BABAM2: variants seen among roughly 807,000 people sequenced by gnomAD.
BABAM2 encodes the protein BRISC and BRCA1-A complex member 2.
BABAM2 carries 31 observed loss-of-function variants against 54.7 expected under a neutral mutation model. The observed-to-expected ratio is 0.57, with a 90% CI of 0.43 to 0.77. BABAM2 has a LOEUF of 0.77. Ranked by LOEUF, BABAM2 falls within the 30% of genes least tolerant of loss-of-function variation. BABAM2 has a pLI of 0.00. For synonymous variants in BABAM2, 167 were observed against 162.9 expected (o/e 1.03, Z -0.19); for missense variants, 364 against 455.8 (o/e 0.80, Z 1.83).
intron 2 of BABAM2, among the ~76,000 whole-genome samples, chr2:27,903,535 G>C (rs1374488094): frequency 2.0e-5 from 3 of 152,172 alleles, no homozygotes; most frequent in Non-Finnish European, 4.4e-5. Context: ...CTGAGGAACT[G>C]AGATTTAAGT....
intron 7 of BABAM2, among the ~76,000 whole-genome samples, chr2:28,187,911 G>A (rs1347813679): frequency 6.6e-6 from 1 of 151,998 alleles, no homozygotes; most frequent in African/African-American, 2.4e-5. Context: ...CAGGCGATCT[G>A]CCCACCTCGG....
intron 10 of BABAM2, among the ~76,000 whole-genome samples, chr2:28,265,351 C>T (rs1207563436): frequency 2.0e-5 from 3 of 152,134 alleles, no homozygotes; most frequent in Non-Finnish European, 2.9e-5. Flanking sequence ...CACTTGAACA[C>T]GGGAGGTGGA....
intron 5 of BABAM2, among the ~76,000 whole-genome samples, chr2:28,040,174 A>G (rs1676957621): frequency 6.6e-6 from 1 of 152,056 alleles, no homozygotes; most frequent in Admixed American, 6.5e-5. Flanking sequence ...CTCTTCATTT[A>G]CAGTTTATAA....
At chr2:28,188,775 C>T (rs1205687502) in intron 7 of BABAM2, among the ~76,000 whole-genome samples, 3 of 152,186 alleles carry the variant, frequency 2.0e-5, no homozygotes, top group Non-Finnish European at 4.4e-5. Flanking sequence ...GCCCCTTAGT[C>T]CCTAAGCTAC....
chr2:28,120,444 A>G (rs1029821711), intron 6 of BABAM2, among the ~76,000 whole-genome samples: 4 of 152,202 alleles, frequency 2.6e-5, no homozygotes, highest in Admixed American at 6.5e-5. Context: ...CCTAGAGGAT[A>G]TAGTATCATG....
intron 7 of BABAM2, among the ~76,000 whole-genome samples, chr2:28,150,043 C>T (rs974743898): frequency 6.6e-6 from 1 of 152,132 alleles, no homozygotes; most frequent in African/African-American, 2.4e-5. Flanking sequence ...CGAATCTTAA[C>T]CATAACAGCA....
chr2:28,258,960 A>G (rs562381368), intron 10 of BABAM2, among the ~76,000 whole-genome samples: 119 of 146,610 alleles, frequency 8.1e-4, no homozygotes, highest in Non-Finnish European at 1.5e-3. Flanking sequence ...TATTTTTGGT[A>G]GAGACAGGGT....
chr2:28,273,508 C>T (rs1173528353), intron 10 of BABAM2, among the ~76,000 whole-genome samples: 1 of 152,176 alleles, frequency 6.6e-6, no homozygotes, highest in Non-Finnish European at 1.5e-5. Context: ...CACTTGAGGT[C>T]AGGAGTTCGA....
intron 7 of BABAM2, among the ~76,000 whole-genome samples, chr2:28,181,726 T>G (rs1007144675): frequency 1.3e-4 from 20 of 151,454 alleles, no homozygotes; most frequent in Non-Finnish European, 2.9e-5. Context: ...TTTTTGCCAT[T>G]GAAAGTAATG....
At position 28,075,034 on chromosome 2, in the gene BABAM2, A is replaced by T. The variant is rs73922209; in HGVS notation, c.570+29235A>T. Among the ~76,000 whole-genome samples, 686 of 152,300 alleles carry T rather than the reference A, an allele frequency of 4.5e-3. 5 individuals carry two copies. The highest frequency in any genetic ancestry group is 0.015 in the African/African-American group (640 of 41,552). On this transcript the variant is annotated intron_variant, in intron 6 of 11. Transcript: ENST00000379624. ...CCTAGGACATGCTTAGAGTAGTCACAGATTTTTTTCAGTTCACGGACCCTT... is the reference window on the plus strand; with the variant it reads ...CCTAGGACATGCTTAGAGTAGTCACTGATTTTTTTCAGTTCACGGACCCTT...
chr2:27,951,821 G>GCA (rs1669747635), intron 3 of BABAM2, among the ~76,000 whole-genome samples: 2 of 152,118 alleles, frequency 1.3e-5, no homozygotes, highest in Non-Finnish European at 2.9e-5. Flanking sequence ...AGTATACGCT[G>GCA]CACCCTATTT....
At chr2:28,240,736 G>T (rs1288751012) in intron 8 of BABAM2, among the ~76,000 whole-genome samples, 2 of 151,880 alleles carry the variant, frequency 1.3e-5, no homozygotes, top group East Asian at 3.9e-4. Context: ...AGGGCATAGT[G>T]GCGGACTCCT....
intron 7 of BABAM2, among the ~76,000 whole-genome samples, chr2:28,190,513 C>G (rs1029658934): frequency 5.3e-5 from 8 of 152,122 alleles, no homozygotes; most frequent in Non-Finnish European, 1.2e-4. Flanking sequence ...ATGGAGAAAC[C>G]CTGTCTCTAC....
At chr2:28,043,723 A>G (rs140486758) in intron 5 of BABAM2, among the ~76,000 whole-genome samples, 1 of 152,308 alleles carries the variant, frequency 6.6e-6, no homozygotes, top group Non-Finnish European at 1.5e-5. Context: ...TCAGCATAAT[A>G]CCAAAACCAC....
chr2:27,987,553 A>G (rs1467680243), intron 3 of BABAM2, among the ~76,000 whole-genome samples: 1 of 152,058 alleles, frequency 6.6e-6, no homozygotes, highest in African/African-American at 2.4e-5. Flanking sequence ...AGTGGCTCAC[A>G]CCTATAATCC....
chr2:27,988,179 C>G (rs1221063252), intron 4 of BABAM2, 92 bp downstream of exon 4: 1 of 1,205,860 alleles, frequency 8.3e-7, no homozygotes, highest in Non-Finnish European at 1.2e-6. Flanking sequence ...AGATTTGTCA[C>G]ACATCTGCAT....
At position 28,260,767 on chromosome 2, in the gene BABAM2, C is replaced by T. The variant is rs141620631; in HGVS notation, c.934+15905C>T. On this transcript the variant is annotated intron_variant, in intron 10 of 11. Coordinates refer to ENST00000379624, the MANE Select transcript of BABAM2 (RefSeq NM_199191.3). The stretch of plus-strand genomic sequence containing the variant: ...AGAATTGCCATCTTGGAAATAATTG[C>T]ATTTTCCCTTTCATGAACATGGTAT... Among the ~76,000 whole-genome samples, 1,038 of 152,222 alleles carry T rather than the reference C, an allele frequency of 6.8e-3. 13 individuals are homozygous for T. The highest frequency in any genetic ancestry group is 0.048 in the South Asian group (234 of 4,830).
chr2:27,903,097 C>T (rs1558574147), intron 2 of BABAM2, among the ~76,000 whole-genome samples: 1 of 150,856 alleles, frequency 6.6e-6, no homozygotes. Context: ...TCCCCCACCC[C>T]CCCCACCGTA....
intron 11 of BABAM2, among the ~76,000 whole-genome samples, chr2:28,315,171 G>A (rs1472219630): frequency 6.6e-6 from 1 of 151,964 alleles, no homozygotes; most frequent in Non-Finnish European, 1.5e-5. Flanking sequence ...CAGAGAACAT[G>A]CCCTCTGGAA....
Sources: gnomAD v4.1 joint callset for allele counts (sites outside exome capture counted in the v4.1 genomes callset) on GRCh38, gnomAD v4.1.1 for gene constraint, MANE v1.5 for transcripts, NCBI Gene and HGNC (gene_info 2026-07-23, HGNC 2026-07-21) for gene names.